AGGF1: variants seen among roughly 807,000 people sequenced by gnomAD.
The protein encoded by AGGF1 is angiogenic factor with G-patch and FHA domains 1.
In AGGF1, 56 loss-of-function variants were observed where a neutral mutation model predicts 86.5. The observed-to-expected ratio is 0.65, with a 90% CI of 0.52 to 0.81. AGGF1 has a LOEUF of 0.81. Among genes scored for constraint, AGGF1 ranks in the 30% least tolerant of loss-of-function variants. The pLI, the probability that AGGF1 is intolerant of heterozygous loss-of-function variation, is 0.00. For missense variants in AGGF1, 816 were observed against 850.9 expected (o/e 0.96, Z 0.51); for synonymous variants, 313 against 297.1 (o/e 1.05, Z -0.55).
At chr5:77,059,593 A>T in intron 11 of AGGF1, 23 bp from the exon 12 acceptor site, 1 of 1,587,872 alleles carries the variant, frequency 6.3e-7, no homozygotes, top group Non-Finnish European at 8.6e-7. Flanking sequence ...CTTTTCCTGA[A>T]TGAATATTTT....
intron 4 of AGGF1, among the ~76,000 whole-genome samples, chr5:77,037,612 T>TA (rs1347373289): frequency 6.6e-6 from 1 of 152,046 alleles, no homozygotes; most frequent in African/African-American, 2.4e-5. Flanking sequence ...ACTCTTTCTA[T>TA]AAAAAATTTT....
rs1167174096 is a variant in AGGF1, at chr5:77,043,666, C to G, written c.871-2681C>G. On this transcript the variant is annotated intron_variant, in intron 5 of 13. Transcript: ENST00000312916. ...CTCCCTCCCGGATGGGGCGGCTGGC[C>G]GGGCGGGGGGCTGATCCCCCCCACC... 3.6e-5 allele frequency among the ~76,000 whole-genome samples: 5 copies of G among 140,552 alleles called. No individual in the cohort carries two copies. The South Asian group carries it at 9.3e-4, about 26-fold the overall frequency. The allele number at this position is 140,552 out of a possible 152,430, so 92.2% of individuals were successfully genotyped here. A position where few individuals can be genotyped will look rare whatever the true frequency, so the allele number is the denominator to read the frequency against.
At position 77,044,940 on chromosome 5, in the gene AGGF1, C is replaced by G. The variant is rs58902976; in HGVS notation, c.871-1407C>G. Reference sequence around the variant, plus strand: ...TACCTGGGTATGGTGGTGCGCATGCCTGTAGTCCCAGCTACTCGGGAGGCT... The same window carrying G: ...TACCTGGGTATGGTGGTGCGCATGCGTGTAGTCCCAGCTACTCGGGAGGCT... On this transcript the variant is annotated intron_variant, in intron 5 of 13. Coordinates refer to ENST00000312916, the MANE Select transcript of AGGF1 (RefSeq NM_018046.5). Among the ~76,000 whole-genome samples the G allele has an allele frequency of 3.0e-3, 451 of 152,128 alleles. 1 individual carries two copies. The highest frequency in any genetic ancestry group is 0.01 in the African/African-American group (431 of 41,496).
intron 1 of AGGF1, among the ~76,000 whole-genome samples, chr5:77,033,698 G>A (rs1254313008): frequency 2.6e-5 from 4 of 152,120 alleles, no homozygotes; most frequent in Non-Finnish European, 4.4e-5. Context: ...ATATTTAAAA[G>A]CTTGTTTTTT....
intron 5 of AGGF1, among the ~76,000 whole-genome samples, chr5:77,045,601 T>C (rs1160060896): frequency 6.6e-6 from 1 of 152,228 alleles, no homozygotes; most frequent in Non-Finnish European, 1.5e-5. Flanking sequence ...AAGCTGAATC[T>C]GAAGTACTAA....
At position 77,038,172 on chromosome 5, in the gene AGGF1, C is replaced by A. The variant is rs1580124474; in HGVS notation, c.682-1359C>A. Among the ~76,000 whole-genome samples the A allele has an allele frequency of 3.3e-5, 5 of 152,170 alleles. No homozygotes were observed. The South Asian group carries it at 1.0e-3, about 32-fold the overall frequency. ...AATCTGCATATGGTAAACTGTAAGTCCTTTGTAAAGAGAGGGTTTTCTTTC... is the reference window on the plus strand; with the variant it reads ...AATCTGCATATGGTAAACTGTAAGTACTTTGTAAAGAGAGGGTTTTCTTTC... On this transcript the variant is annotated intron_variant, in intron 4 of 13. Coordinates refer to ENST00000312916, the MANE Select transcript of AGGF1 (RefSeq NM_018046.5).
chr5:77,037,904 T>TTA (rs1746993624), intron 4 of AGGF1, among the ~76,000 whole-genome samples: 1 of 152,244 alleles, frequency 6.6e-6, no homozygotes, highest in African/African-American at 2.4e-5. Flanking sequence ...TAATACAGTG[T>TTA]TATAGCTGTT....
intron 1 of AGGF1, 21 bp downstream of exon 1, chr5:77,030,997 C>T: frequency 1.2e-6 from 2 of 1,610,678 alleles, no homozygotes; most frequent in Non-Finnish European, 1.7e-6. Flanking sequence ...CTCCTCAGCC[C>T]CGCGCCCCAT....
intron 13 of AGGF1, among the ~76,000 whole-genome samples, chr5:77,062,684 C>T (rs190132720): frequency 1.5e-4 from 23 of 152,198 alleles, no homozygotes; most frequent in African/African-American, 5.3e-4. Flanking sequence ...GTTTAACCTG[C>T]TTGTTCACTT....
intron 5 of AGGF1, among the ~76,000 whole-genome samples, chr5:77,043,986 G>A (rs1413913239): frequency 3.8e-5 from 5 of 132,722 alleles, no homozygotes; most frequent in African/African-American, 1.1e-4. Context: ...ACAATGGGCG[G>A]CCGGGCAGAG....
chr5:77,051,785 G>A (rs565354730), intron 8 of AGGF1, among the ~76,000 whole-genome samples: 23 of 152,178 alleles, frequency 1.5e-4, no homozygotes, highest in African/African-American at 5.5e-4. Flanking sequence ...GTAAAACCTT[G>A]GAAAAAAACC....
rs573104927 is a variant in AGGF1 at position 77,047,165 on chromosome 5, C to G, written c.1201+488C>G. ...TGGCCTTCTGTATCCATGGGTTCTA[C>G]TTTAGTGGATTCAAGCAACCTCAGA... On this transcript the variant is annotated intron_variant, in intron 6 of 13. Coordinates refer to ENST00000312916, the MANE Select transcript of AGGF1 (RefSeq NM_018046.5). Among the ~76,000 whole-genome samples, 7 of 152,180 alleles carry G rather than the reference C, an allele frequency of 4.6e-5. No homozygotes were observed. In the South Asian group the frequency reaches 1.2e-3, roughly 27 times the overall value.
chr5:77,038,033 T>G (rs1382615048), intron 4 of AGGF1, among the ~76,000 whole-genome samples: 3 of 152,218 alleles, frequency 2.0e-5, no homozygotes, highest in African/African-American at 7.2e-5. Context: ...TAGAATGTGG[T>G]ACACAAAAGT....
At chr5:77,047,820 T>TC (rs1396705555) in intron 6 of AGGF1, among the ~76,000 whole-genome samples, 2 of 150,144 alleles carry the variant, frequency 1.3e-5, no homozygotes, top group African/African-American at 2.4e-5. Context: ...GCCTGGCCTT[T>TC]TTTTTTTTTT....
chr5:77,038,337 CT>C (rs1195331434), intron 4 of AGGF1, among the ~76,000 whole-genome samples: 3 of 139,980 alleles, frequency 2.1e-5, no homozygotes, highest in Non-Finnish European at 5.0e-5. Context: ...TTCTGCCTGT[CT>C]TTCTGTATCT....
At chr5:77,050,447 C>A (rs1747352620) in intron 8 of AGGF1, among the ~76,000 whole-genome samples, 1 of 151,332 alleles carries the variant, frequency 6.6e-6, no homozygotes, top group Non-Finnish European at 1.5e-5. Context: ...TCCTGAGTAG[C>A]TAGCACTATA....
At chr5:77,039,755 G>A in intron 5 of AGGF1, 36 bp downstream of exon 5, 1 of 1,574,430 alleles carries the variant, frequency 6.4e-7, no homozygotes, top group African/African-American at 1.4e-5. Flanking sequence ...TGACATAATG[G>A]TGATAACATG....
rs1291680180 is a variant in AGGF1 at position 77,054,081 on chromosome 5, A to G, written c.1584A>G (p.Pro528=). The G allele has an allele frequency of 6.2e-7, 1 of 1,614,186 alleles. No individual in the cohort carries two copies. The highest frequency in any genetic ancestry group is 1.7e-5 in the Admixed American group (1 of 60,024). ...PGSDTCDGCE[P]GQVRAHLRLD... ...GTGATACCTGTGATGGCTGTGAACCAGGGCAGGTTAGAGCCCACCTTCGCC... is the reference window on the plus strand; with the variant it reads ...GTGATACCTGTGATGGCTGTGAACCGGGGCAGGTTAGAGCCCACCTTCGCC... The change falls in exon 10 of 14, where the codon CCA becomes CCG. Residue 528 remains proline (P), a synonymous_variant. Coordinates refer to ENST00000312916, the MANE Select transcript of AGGF1 (RefSeq NM_018046.5).
chr5:77,034,600 T>G, intron 2 of AGGF1, 80 bp downstream of exon 2: 4 of 979,444 alleles, frequency 4.1e-6, no homozygotes, highest in Non-Finnish European at 6.6e-6. Flanking sequence ...TAATTTAAAA[T>G]AAACAAAGAT....
Sources: allele counts gnomAD v4.1 joint callset (sites outside exome capture counted in the v4.1 genomes callset), GRCh38; gene constraint gnomAD v4.1.1; transcripts MANE v1.5; gene names NCBI Gene and HGNC (gene_info 2026-07-23, HGNC 2026-07-21).